FBXL7: variants seen among roughly 807,000 people sequenced by gnomAD.
The protein encoded by FBXL7 is F-box and leucine rich repeat protein 7, also known as F-box/LRR-repeat protein 7.
A neutral mutation model predicts 38.3 loss-of-function variants in FBXL7; 12 were observed. That is an observed-to-expected ratio of 0.31 (90% CI 0.20 to 0.51). FBXL7 has a LOEUF of 0.51. Among genes scored for constraint, FBXL7 ranks in the 20% least tolerant of loss-of-function variants. FBXL7 has a pLI of 0.98. For synonymous variants in FBXL7, 297 were observed against 300.9 expected (o/e 0.99, Z 0.13); for missense variants, 567 against 676.4 (o/e 0.84, Z 1.79).
intron 2 of FBXL7, among the ~76,000 whole-genome samples, chr5:15,797,031 C>T (rs1737433950): frequency 6.6e-6 from 1 of 152,138 alleles, no homozygotes; most frequent in South Asian, 2.1e-4. Flanking sequence ...TATATTTTTG[C>T]TGGCTTTAAA....
Position 15,733,004 on chromosome 5 carries a change from G to A in FBXL7, c.127+116932G>A, listed in dbSNP as rs116631967. Among the ~76,000 whole-genome samples, 877 of 152,188 alleles carry A rather than the reference G, an allele frequency of 5.8e-3. 4 individuals are homozygous for A. The highest frequency in any genetic ancestry group is 0.02 in the African/African-American group (833 of 41,512). ...CAAACTATCCAGACATTACAGAAAT[G>A]GTCACACTCTAACAAGCATGATCGT... On this transcript the variant is annotated intron_variant, in intron 2 of 3. Coordinates refer to ENST00000504595, the MANE Select transcript of FBXL7 (RefSeq NM_012304.5).
intron 2 of FBXL7, among the ~76,000 whole-genome samples, chr5:15,818,797 A>C (rs1738092495): frequency 6.6e-6 from 1 of 151,594 alleles, no homozygotes; most frequent in Non-Finnish European, 1.5e-5. Context: ...AATAGAAATG[A>C]AGAAGAACAT....
At chr5:15,557,038 C>T (rs1364593655) in intron 1 of FBXL7, among the ~76,000 whole-genome samples, 4 of 152,264 alleles carry the variant, frequency 2.6e-5, no homozygotes, top group South Asian at 2.1e-4. Context: ...CCTGGGTTCA[C>T]GCCATTCTCC....
chr5:15,893,179 G>T (rs1561178502), intron 2 of FBXL7, among the ~76,000 whole-genome samples: 1 of 151,980 alleles, frequency 6.6e-6, no homozygotes, highest in African/African-American at 2.4e-5. Context: ...TCTCAGCTGG[G>T]GAGAGGCAGG....
At chr5:15,712,255 T>A (rs1743898509) in intron 2 of FBXL7, among the ~76,000 whole-genome samples, 1 of 152,100 alleles carries the variant, frequency 6.6e-6, no homozygotes, top group Non-Finnish European at 1.5e-5. Flanking sequence ...TTAGAACTCT[T>A]TAAAAGCCTT....
intron 2 of FBXL7, among the ~76,000 whole-genome samples, chr5:15,763,999 T>TA (rs1256872832): frequency 6.6e-6 from 1 of 152,118 alleles, no homozygotes; most frequent in Non-Finnish European, 1.5e-5. Flanking sequence ...CCTGAGAACT[T>TA]AGAGGACTGC....
chr5:15,781,019 C>G (rs1209955835), intron 2 of FBXL7, among the ~76,000 whole-genome samples: 1 of 152,112 alleles, frequency 6.6e-6, no homozygotes, highest in Non-Finnish European at 1.5e-5. Context: ...CTTGGCCAGT[C>G]GCTATTTCTA....
intron 2 of FBXL7, among the ~76,000 whole-genome samples, chr5:15,661,850 C>A (rs568909045): frequency 7.4e-4 from 112 of 152,198 alleles, no homozygotes; most frequent in Non-Finnish European, 1.5e-3. Context: ...CATGTTTCCA[C>A]AAAAGACATG....
At chr5:15,681,513 A>G (rs1742844269) in intron 2 of FBXL7, among the ~76,000 whole-genome samples, 1 of 152,216 alleles carries the variant, frequency 6.6e-6, no homozygotes, top group Admixed American at 6.5e-5. Context: ...TCTCACATGC[A>G]TAGATTAGAG....
intron 2 of FBXL7, among the ~76,000 whole-genome samples, chr5:15,700,239 A>G (rs1366578236): frequency 6.6e-6 from 1 of 152,176 alleles, no homozygotes; most frequent in East Asian, 1.9e-4. Flanking sequence ...CCTAGTCTCT[A>G]AAGACTTCAA....
At chr5:15,652,634 G>A (rs910173783) in intron 2 of FBXL7, among the ~76,000 whole-genome samples, 13 of 152,118 alleles carry the variant, frequency 8.5e-5, no homozygotes, top group Non-Finnish European at 1.3e-4. Flanking sequence ...CTCAGCTTTT[G>A]ACATATCTTC....
At chr5:15,511,239 C>A (rs1041729223) in intron 1 of FBXL7, among the ~76,000 whole-genome samples, 4 of 152,194 alleles carry the variant, frequency 2.6e-5, no homozygotes, top group African/African-American at 9.7e-5. Flanking sequence ...AATCTGCTGA[C>A]AAATTGGCAG....
At chr5:15,532,497 C>A (rs890835663) in intron 1 of FBXL7, among the ~76,000 whole-genome samples, 2 of 152,182 alleles carry the variant, frequency 1.3e-5, no homozygotes, top group African/African-American at 4.8e-5. Flanking sequence ...TGTCTGTATT[C>A]ATCAGATTAT....
intron 2 of FBXL7, among the ~76,000 whole-genome samples, chr5:15,620,230 C>CTTTT (rs796293132): frequency 3.0e-5 from 4 of 134,142 alleles, no homozygotes; most frequent in East Asian, 2.2e-4. Flanking sequence ...TTCTTTTTTT[C>CTTTT]TTTTTTTTTT....
At chr5:15,726,490 C>T (rs558036514) in intron 2 of FBXL7, among the ~76,000 whole-genome samples, 9 of 151,894 alleles carry the variant, frequency 5.9e-5, no homozygotes, top group East Asian at 3.9e-4. Context: ...ATCAGGAGTT[C>T]GAGACCAGCC....
chr5:15,922,763 A>G (rs913844615), intron 2 of FBXL7, among the ~76,000 whole-genome samples: 1 of 152,216 alleles, frequency 6.6e-6, no homozygotes, highest in Non-Finnish European at 1.5e-5. Flanking sequence ...GTGAAGGAAG[A>G]TGTAGTCTAA....
At chr5:15,755,642 A>G (rs1243084182) in intron 2 of FBXL7, among the ~76,000 whole-genome samples, 1 of 152,252 alleles carries the variant, frequency 6.6e-6, no homozygotes, top group African/African-American at 2.4e-5. Context: ...AACAGTTTTC[A>G]AAAAGCACAT....
chr5:15,884,620 G>GA (rs1219338162), intron 2 of FBXL7, among the ~76,000 whole-genome samples: 2 of 152,086 alleles, frequency 1.3e-5, no homozygotes, highest in Non-Finnish European at 2.9e-5. Context: ...ATAATAGAGG[G>GA]AAAAACGCAA....
At chr5:15,517,659 TTTAGC>T (rs769376481) in intron 1 of FBXL7, among the ~76,000 whole-genome samples, 3 of 152,090 alleles carry the variant, frequency 2.0e-5, no homozygotes, top group Non-Finnish European at 4.4e-5. Flanking sequence ...GTGGCAAATG[TTTAGC>T]AAGGGGAGCC....
Sources: gnomAD v4.1 joint callset for allele counts (sites outside exome capture counted in the v4.1 genomes callset) on GRCh38, gnomAD v4.1.1 for gene constraint, MANE v1.5 for transcripts, NCBI Gene and HGNC (gene_info 2026-07-23, HGNC 2026-07-21) for gene names.